THADA: variants seen among roughly 807,000 people sequenced by gnomAD.
THADA encodes the protein tRNA (32-2'-O)-methyltransferase regulator THADA.
THADA carries 213 observed loss-of-function variants against 219.8 expected under a neutral mutation model. The ratio of observed to expected loss-of-function variants is 0.97; its 90% CI spans 0.87 to 1.09. THADA has a LOEUF of 1.09. THADA is among the 50% of genes least tolerant of loss of function. The pLI is 0.00. For synonymous variants in THADA, 1,018 were observed against 828.9 expected (o/e 1.23, Z -3.92); for missense variants, 2,956 against 2,311.3 (o/e 1.28, Z -5.72).
intron 30 of THADA, among the ~76,000 whole-genome samples, chr2:43,330,102 C>T (rs570122678): frequency 6.6e-6 from 1 of 152,324 alleles, no homozygotes; most frequent in South Asian, 2.1e-4. Context: ...GACTTGCTAA[C>T]CTTGAGTATT....
chr2:43,353,010 T>C (rs1668458608), intron 29 of THADA, among the ~76,000 whole-genome samples: 1 of 152,230 alleles, frequency 6.6e-6, no homozygotes, highest in Non-Finnish European at 1.5e-5. Flanking sequence ...CACTTTTCTG[T>C]GTCTGGCTTA....
At chr2:43,305,591 G>C (rs1157086893) in intron 31 of THADA, among the ~76,000 whole-genome samples, 1 of 152,174 alleles carries the variant, frequency 6.6e-6, no homozygotes, top group East Asian at 1.9e-4. Context: ...GCTGAGGAAG[G>C]AGGATGTGCT....
At chr2:43,391,219 T>C (rs1558684781) in intron 29 of THADA, among the ~76,000 whole-genome samples, 1 of 152,136 alleles carries the variant, frequency 6.6e-6, no homozygotes, top group Non-Finnish European at 1.5e-5. Flanking sequence ...TTTTCCTCTT[T>C]TTGCTATTAA....
chr2:43,571,506 C>T (rs1203164623), intron 13 of THADA, among the ~76,000 whole-genome samples: 1 of 151,948 alleles, frequency 6.6e-6, no homozygotes, highest in Non-Finnish European at 1.5e-5. Context: ...GGGAGGGGTG[C>T]GTGCTTTTCA....
intron 26 of THADA, among the ~76,000 whole-genome samples, chr2:43,468,990 T>C (rs1684592796): frequency 6.6e-6 from 1 of 152,170 alleles, no homozygotes; most frequent in Non-Finnish European, 1.5e-5. Flanking sequence ...AGCAACATCA[T>C]TGCCTACCTA....
At chr2:43,271,513 T>C (rs1197336624) in intron 36 of THADA, among the ~76,000 whole-genome samples, 1 of 152,118 alleles carries the variant, frequency 6.6e-6, no homozygotes, top group African/African-American at 2.4e-5. Flanking sequence ...ATTCATTCAA[T>C]TGATCATCAA....
At chr2:43,565,913 C>T (rs995469019) in intron 15 of THADA, 1 of 152,264 alleles carries the variant, frequency 6.6e-6, no homozygotes, top group African/African-American at 2.4e-5. Context: ...ATGGTGAAAC[C>T]CCATCTCTAC....
intron 28 of THADA, among the ~76,000 whole-genome samples, chr2:43,419,244 C>A (rs1677395469): frequency 6.6e-6 from 1 of 152,030 alleles, no homozygotes; most frequent in African/African-American, 2.4e-5. Context: ...TATAAAGAGA[C>A]AGAGAAGAAT....
chr2:43,388,092 A>G (rs1338014932), intron 29 of THADA, among the ~76,000 whole-genome samples: 1 of 152,220 alleles, frequency 6.6e-6, no homozygotes, highest in East Asian at 1.9e-4. Flanking sequence ...TAAACGTGCA[A>G]TCTCAAATAT....
intron 31 of THADA, among the ~76,000 whole-genome samples, chr2:43,307,951 G>T (rs1298957465): frequency 6.6e-6 from 1 of 152,050 alleles, no homozygotes; most frequent in African/African-American, 2.4e-5. Context: ...AGAATCTAGA[G>T]GAAGACTGAA....
intron 21 of THADA, among the ~76,000 whole-genome samples, chr2:43,540,726 A>G (rs575702981): frequency 3.3e-5 from 5 of 152,254 alleles, no homozygotes; most frequent in African/African-American, 1.2e-4. Context: ...AGTCAGCCAA[A>G]AAAACCAAGA....
chr2:43,501,553 G>A (rs1688977513), intron 24 of THADA, among the ~76,000 whole-genome samples: 2 of 152,098 alleles, frequency 1.3e-5, no homozygotes, highest in East Asian at 1.9e-4. Flanking sequence ...AACAGCAATA[G>A]GACAAACATA....
At chr2:43,263,121 T>A (rs1671146276) in intron 36 of THADA, among the ~76,000 whole-genome samples, 1 of 152,160 alleles carries the variant, frequency 6.6e-6, no homozygotes, top group African/African-American at 2.4e-5. Flanking sequence ...ACTAAATGTG[T>A]CACGTAGTTC....
At chr2:43,583,233 T>C (rs980157745) in intron 7 of THADA, among the ~76,000 whole-genome samples, 25 of 152,332 alleles carry the variant, frequency 1.6e-4, no homozygotes, top group African/African-American at 6.0e-4. Context: ...CTGTACCTGC[T>C]GCATCTTTAT....
chr2:43,526,960 G>C (rs1455122188), intron 22 of THADA, among the ~76,000 whole-genome samples: 1 of 152,056 alleles, frequency 6.6e-6, no homozygotes, highest in Non-Finnish European at 1.5e-5. Context: ...GAAACAAAAA[G>C]TTGAAAAGAT....
chr2:43,569,535 A>AT (rs938037074), intron 14 of THADA, among the ~76,000 whole-genome samples: 1 of 152,182 alleles, frequency 6.6e-6, no homozygotes, highest in African/African-American at 2.4e-5. Context: ...CGTCATTGAG[A>AT]TTTTAAAAGG....
At chr2:43,400,818 T>A (rs1674740832) in intron 28 of THADA, among the ~76,000 whole-genome samples, 1 of 152,090 alleles carries the variant, frequency 6.6e-6, no homozygotes, top group African/African-American at 2.4e-5. Flanking sequence ...TACTCCAGAA[T>A]TACAGGCCTG....
At chr2:43,545,284 T>C (rs1695872038) in intron 20 of THADA, among the ~76,000 whole-genome samples, 1 of 151,742 alleles carries the variant, frequency 6.6e-6, no homozygotes. Flanking sequence ...GCCAGTATTT[T>C]ATTGAGGATT....
intron 30 of THADA, among the ~76,000 whole-genome samples, chr2:43,332,483 A>C (rs570320548): frequency 5.3e-5 from 8 of 152,206 alleles, no homozygotes; most frequent in Non-Finnish European, 1.2e-4. Flanking sequence ...GTTCATTCAT[A>C]TATTTCCCAC....
Sources: allele counts gnomAD v4.1 joint callset (sites outside exome capture counted in the v4.1 genomes callset), GRCh38; gene constraint gnomAD v4.1.1; transcripts MANE v1.5; gene names NCBI Gene and HGNC (gene_info 2026-07-23, HGNC 2026-07-21).